The following BRD8 variants were observed in gnomAD, a reference collection of about 807,000 sequenced individuals.
The protein encoded by BRD8 is bromodomain-containing protein 8.
Under a neutral mutation model 143.1 loss-of-function variants are expected in BRD8, and 67 were observed. The ratio of observed to expected loss-of-function variants is 0.47; its 90% confidence interval spans 0.38 to 0.57. The LOEUF (loss-of-function observed/expected upper bound fraction) is 0.57. BRD8 is among the 20% of genes least tolerant of loss of function. The pLI, the probability that BRD8 is intolerant of heterozygous loss-of-function variation, is 0.00. For missense variants in BRD8, 1,103 were observed against 1,503.0 expected, an observed-to-expected ratio of 0.73 and a Z score of 4.40; for synonymous variants, 505 against 517.1, an observed-to-expected ratio of 0.98 and a Z score of 0.32.
chr5:138,151,842 T>A (rs1245131673), intron 21 of BRD8, among the ~76,000 whole-genome samples: 1 of 151,736 alleles, frequency 6.6e-6, no homozygotes, highest in East Asian at 1.9e-4. Flanking sequence ...TTTTTAATTT[T>A]AATTTTAATT....
At chr5:138,170,744 C>A (rs144583940) in intron 6 of BRD8, 88 bp downstream of exon 6, 1 of 1,222,550 alleles carries the variant, frequency 8.2e-7, no homozygotes, top group Non-Finnish European at 1.2e-6. Context: ...TCTAAAGGGA[C>A]GGCAATTGGA....
rs1209711987 is a variant in BRD8 at position 138,177,601 on chromosome 5, G to A, written c.86C>T (p.Ser29Phe). The A allele has an allele frequency of 6.2e-7, 1 of 1,609,342 alleles. No individual in the cohort carries two copies. The highest frequency in any genetic ancestry group is 1.7e-5 in the Admixed American group (1 of 59,512). Reference protein sequence around the residue: ...WSIREKLCLASSVMRSGDQNW... With the variant: ...WSIREKLCLAFSVMRSGDQNW... ...TTGATCGCCACTTCTCATGACAGAA[G>A]ATGCTAAACATAGCTTCTCTCGGAT... The change falls in exon 2 of 27, where the codon TCT becomes TTT. Residue 29 changes from serine to phenylalanine, a missense_variant. By Grantham distance (155) the Ser-to-Phe change is radical. Around this residue, in one of 7 missense-constraint regions of BRD8, gnomAD observed 69 missense variants for 121.6 expected, o/e 0.57. Coordinates refer to ENST00000254900, the MANE Select transcript of BRD8 (RefSeq NM_139199.2).
At chr5:138,144,231 C>A (rs1752772888) in intron 25 of BRD8, among the ~76,000 whole-genome samples, 1 of 152,162 alleles carries the variant, frequency 6.6e-6, no homozygotes, top group South Asian at 2.1e-4. Flanking sequence ...AGAGGCGCCA[C>A]CTTTAAGAGC....
intron 14 of BRD8, chr5:138,163,566 A>AG (rs1561610355): frequency 6.8e-7 from 1 of 1,464,086 alleles, no homozygotes; most frequent in East Asian, 2.7e-5. Context: ...TTAAAAAGAA[A>AG]GAAAAAAAAA....
intron 20 of BRD8, among the ~76,000 whole-genome samples, chr5:138,158,264 T>C (rs1050146568): frequency 1.3e-5 from 2 of 152,160 alleles, no homozygotes; most frequent in Non-Finnish European, 2.9e-5. Flanking sequence ...CTTAAGACCA[T>C]GTAGTTTTCT....
chr5:138,140,612 A>G (rs1336323088), intron 26 of BRD8, 93 bp downstream of exon 26: 1 of 1,400,060 alleles, frequency 7.1e-7, no homozygotes, highest in Non-Finnish European at 1.0e-6. Context: ...TTAAAAATAA[A>G]CTCTGAGAAC....
At position 138,169,355 on chromosome 5, in the gene BRD8, C is replaced by A; in HGVS notation, c.509G>T (p.Arg170Leu). ...RKATDAAYQA[R>L]QAVKTPPRRL... ...CCGGGGGGGTGTTTTTACTGCTTGA[C>A]GAGCTAGAACATAAAAGAGAACAAT... The change falls in exon 8 of 27, where the codon CGT (arginine) becomes CTT (leucine). Residue 170 changes from arginine (R) to leucine (L), a missense_variant. Physicochemically the swap from Arg to Leu is moderately radical, Grantham distance 102. Transcript: ENST00000254900. 1.9e-6 allele frequency: 3 copies of A among 1,613,058 alleles called. No individual in the cohort carries two copies. Among genetic ancestry groups the A allele is most frequent in the Non-Finnish European group, 2.5e-6 (3 of 1,179,678 alleles).
At chr5:138,172,521 C>CAAAAAAAAA (rs10547758) in intron 2 of BRD8, among the ~76,000 whole-genome samples, 2 of 24,688 alleles carry the variant, frequency 8.1e-5, no homozygotes, top group Non-Finnish European at 1.4e-4. Context: ...GACTCCATCT[C>CAAAAAAAAA]AAAAAAAAAA....
In BRD8 at chr5:138,150,936, T is replaced by G; in HGVS notation, c.2929A>C (p.Thr977Pro). ...TTAATTTCCCTTCCTTCTTGTCTGGTACCAGATGGAGGGCAGCAGCCTTCA... is the reference window on the plus strand; with the variant it reads ...TTAATTTCCCTTCCTTCTTGTCTGGGACCAGATGGAGGGCAGCAGCCTTCA... ...SSEGCCPPSGTRQEGREIKAS... is the reference protein window; with the variant it reads ...SSEGCCPPSGPRQEGREIKAS... Residue 977 changes from threonine to proline, a missense_variant, in exon 22 of 27, where the codon ACC becomes CCC. Physicochemically the swap from Thr to Pro is conservative, Grantham distance 38. Coordinates refer to ENST00000254900, the MANE Select transcript of BRD8 (RefSeq NM_139199.2). 6.2e-7 allele frequency: 1 copy of G among 1,614,170 alleles called. No homozygotes were observed. Among genetic ancestry groups the G allele is most frequent in the Non-Finnish European group, 8.5e-7 (1 of 1,180,030 alleles).
chr5:138,160,775 T>C (rs1331547212), intron 18 of BRD8, 116 bp downstream of exon 18: 2 of 860,372 alleles, frequency 2.3e-6, no homozygotes, highest in Non-Finnish European at 3.4e-6. Flanking sequence ...TTCAATTGTG[T>C]CCCTGACAGC....
intron 7 of BRD8, 170 bp from the exon 8 acceptor site, chr5:138,169,528 G>T: frequency 1.4e-6 from 1 of 704,576 alleles, no homozygotes; most frequent in Non-Finnish European, 2.2e-6. Context: ...TAACTTTTTA[G>T]CCTAATTTTT....
Position 138,149,760 on chromosome 5 carries a change from C to G in BRD8, c.3158G>C (p.Gly1053Ala). The change falls in exon 23 of 27, where the codon GGT becomes GCT. Residue 1053 changes from glycine to alanine, a missense_variant. Transcript: ENST00000254900. Reference sequence around the variant, plus strand: ...TTCCATCTCTGACACATATACTTCACCCTGGTCCTCCCCTTTGGATTCTTG... The same window carrying G: ...TTCCATCTCTGACACATATACTTCAGCCTGGTCCTCCCCTTTGGATTCTTG... ...AQQESKGEDQ[G>A]EVYVSEMEDQ... The G allele has an allele frequency of 6.2e-7, 1 of 1,612,034 alleles. No homozygotes were observed. Among genetic ancestry groups the G allele is most frequent in the African/African-American group, 1.3e-5 (1 of 74,960 alleles).
At position 138,150,748 on chromosome 5, in the gene BRD8, T is replaced by TAC. The variant is rs767614235; in HGVS notation, c.3116_3117insGT (p.Glu1040Ter). The TAC allele has an allele frequency of 1.2e-6, 2 of 1,606,602 alleles. No homozygotes were observed. Among genetic ancestry groups the TAC allele is most frequent in the South Asian group, 2.2e-5 (2 of 89,514 alleles). On this transcript the variant is annotated frameshift_variant, in exon 22 of 27. Coordinates refer to ENST00000254900, the MANE Select transcript of BRD8 (RefSeq NM_139199.2). LOFTEE classifies it high-confidence loss of function. ...CTGATTTAAGTTACTTTCTTACCTC[T>TAC]TCACTCTCTGTGAGTAGTCCCTGAA...
chr5:138,164,950 C>G lies in BRD8; in HGVS notation c.1495G>C (p.Val499Leu), dbSNP rs774605971. The change falls in exon 12 of 27, where the codon GTG becomes CTG. Residue 499 changes from valine (V) to leucine (L), a missense_variant. Transcript: ENST00000254900. ...TCTGCACTGGGCTCCCTGATGTCCA[C>G]CAGTTCATGTATTCCCTTGTTTTCC... ...ETENKGIHEL[V>L]DIREPSAEIK... 2 of 1,614,066 alleles carry G rather than the reference C, an allele frequency of 1.2e-6. No homozygotes were observed. Among genetic ancestry groups the G allele is most frequent in the Admixed American group, 3.3e-5 (2 of 59,992 alleles).
In BRD8 at chr5:138,141,128, T is replaced by C. The variant is rs191809554; in HGVS notation, c.3438-246A>G. ...ACCTGTAAGGTAGGTATCATTAATA[T>C]CTCATTTTTTTTTTTTTTGAGTCGG... On this transcript the variant is annotated intron_variant, in intron 25 of 26. Transcript: ENST00000254900. Among the ~76,000 whole-genome samples, 13 of 148,148 alleles carry C rather than the reference T, an allele frequency of 8.8e-5. No homozygotes were observed. The Admixed American group carries it at 8.8e-4, about 10-fold the overall frequency.
intron 6 of BRD8, chr5:138,170,611 T>C: frequency 1.3e-6 from 1 of 792,982 alleles, no homozygotes; most frequent in South Asian, 1.4e-5. Flanking sequence ...TAGCCACTCT[T>C]AAGTTAGAAC....
chr5:138,168,530 G>A (rs377659292), intron 8 of BRD8: 3 of 1,608,300 alleles, frequency 1.9e-6, no homozygotes, highest in East Asian at 2.2e-5. Flanking sequence ...GCAGAGGGGA[G>A]GGGGGTGGAG....
At chr5:138,163,912 C>T (rs772462165) in intron 14 of BRD8, among the ~76,000 whole-genome samples, 175 bp downstream of exon 14, 9 of 152,182 alleles carry the variant, frequency 5.9e-5, no homozygotes, top group Non-Finnish European at 1.2e-4. Flanking sequence ...ATATGGGAGG[C>T]ACCTGTTGCT....
Position 138,164,105 on chromosome 5 carries a change from A to T in BRD8, c.1854T>A (p.Ile618=), listed in dbSNP as rs762376968. ...SDSLKEESGT[I]FGSQIKDAPG... ...GAAATACCTTTATCTGGCTTCCAAA[A>T]ATAGTCCCTGATTCTTCTTTCAATG... Residue 618 remains isoleucine, a synonymous_variant, in exon 14 of 27, where the codon ATT becomes ATA. Coordinates refer to ENST00000254900, the MANE Select transcript of BRD8 (RefSeq NM_139199.2). 4 of 1,613,974 alleles carry T rather than the reference A, an allele frequency of 2.5e-6. No individual in the cohort carries two copies. The South Asian group carries it at 4.4e-5, about 18-fold the overall frequency.
Sources: gnomAD v4.1 joint callset for allele counts (sites outside exome capture counted in the v4.1 genomes callset) on GRCh38, gnomAD v4.1.1 for gene constraint, gnomAD v4.1.1 regional missense constraint, MANE v1.5 for transcripts, NCBI Gene and HGNC (gene_info 2026-07-23, HGNC 2026-07-21) for gene names.